NINL: variants seen among roughly 807,000 people sequenced by gnomAD.
NINL encodes the protein ninein-like protein.
In NINL, 153 loss-of-function variants were observed where a neutral mutation model predicts 160.3. The observed-to-expected ratio is 0.95, with a 90% CI of 0.84 to 1.09. NINL has a LOEUF of 1.09. Among genes scored for constraint, NINL ranks in the 50% least tolerant of loss-of-function variants. NINL has a pLI of 0.00. For missense variants in NINL, 1,829 were observed against 1,764.0 expected (o/e 1.04, Z -0.66); for synonymous variants, 800 against 734.8 (o/e 1.09, Z -1.43).
At chr20:25,473,530 A>AAATAC in intron 17 of NINL, among the ~76,000 whole-genome samples, 1 of 151,248 alleles carries the variant, frequency 6.6e-6, no homozygotes, top group East Asian at 1.9e-4. Context: ...AAATAAAATA[A>AAATAC]AACAAAGTGG....
At chr20:25,518,493 C>T (rs567630663) in intron 2 of NINL, among the ~76,000 whole-genome samples, 63 of 152,108 alleles carry the variant, frequency 4.1e-4, no homozygotes, top group Non-Finnish European at 6.5e-4. Context: ...CAAGAAACTA[C>T]CCCAGCTTTC....
chr20:25,497,031 T>A (rs1226510622), intron 9 of NINL, among the ~76,000 whole-genome samples: 3 of 152,114 alleles, frequency 2.0e-5, no homozygotes, highest in Non-Finnish European at 4.4e-5. Context: ...GCAAGGAAAG[T>A]TTCTAGGTGG....
chr20:25,496,355 C>G (rs77862813), intron 10 of NINL, among the ~76,000 whole-genome samples: 1 of 152,148 alleles, frequency 6.6e-6, no homozygotes, highest in Non-Finnish European at 1.5e-5. Context: ...ATCACAGGCA[C>G]GCAGCTAGGG....
chr20:25,484,721 C>G (rs777268245), intron 13 of NINL, among the ~76,000 whole-genome samples: 1 of 152,196 alleles, frequency 6.6e-6, no homozygotes, highest in Non-Finnish European at 1.5e-5. Flanking sequence ...TGTGGAGGGG[C>G]TGCTAAGCAG....
At chr20:25,511,309 A>G (rs548821740) in intron 4 of NINL, among the ~76,000 whole-genome samples, 100 of 152,142 alleles carry the variant, frequency 6.6e-4, no homozygotes, top group African/African-American at 2.4e-3. Context: ...ACCACCTCAC[A>G]CTCCAGCAGC....
At chr20:25,548,041 C>A (rs986809565) in intron 1 of NINL, among the ~76,000 whole-genome samples, 4 of 152,250 alleles carry the variant, frequency 2.6e-5, no homozygotes, top group Non-Finnish European at 4.4e-5. Flanking sequence ...GACAGCTATA[C>A]TCCTGGGATC....
intron 14 of NINL, among the ~76,000 whole-genome samples, chr20:25,480,936 C>T (rs2063375368): frequency 6.6e-6 from 1 of 152,108 alleles, no homozygotes; most frequent in South Asian, 2.1e-4. Context: ...TGGGGTCTTG[C>T]ACCTCCCTGC....
intron 19 of NINL, among the ~76,000 whole-genome samples, chr20:25,462,903 T>A (rs1041210320): frequency 6.6e-6 from 1 of 152,128 alleles, no homozygotes; most frequent in Non-Finnish European, 1.5e-5. Flanking sequence ...GATCTTCCCA[T>A]CTCAGCCTCC....
intron 22 of NINL, among the ~76,000 whole-genome samples, chr20:25,456,191 C>T (rs11087520): frequency 0.44 from 61,988 of 140,006 alleles, 14,019 homozygotes; most frequent in East Asian, 0.92. Context: ...TGCTGTGAGC[C>T]GAAATAGCAC....
At chr20:25,522,146 G>A (rs2064275097) in intron 2 of NINL, among the ~76,000 whole-genome samples, 1 of 152,180 alleles carries the variant, frequency 6.6e-6, no homozygotes, top group African/African-American at 2.4e-5. Flanking sequence ...GAGCTCAAGT[G>A]ATTCTCCTGC....
At chr20:25,468,563 C>T (rs1356685003) in intron 18 of NINL, among the ~76,000 whole-genome samples, 507 of 125,424 alleles carry the variant, frequency 4.0e-3, no homozygotes, top group African/African-American at 0.015. Flanking sequence ...TGGTGCGCAC[C>T]CCCCTGCCCT....
chr20:25,499,019 C>G (rs2063815100), intron 8 of NINL: 1 of 985,368 alleles, frequency 1.0e-6, no homozygotes, highest in African/African-American at 1.7e-5. Context: ...TTGGGTATTC[C>G]TGGCTCTGCT....
chr20:25,583,047 AATACT>A (rs1344337460), intron 1 of NINL, among the ~76,000 whole-genome samples: 1 of 152,236 alleles, frequency 6.6e-6, no homozygotes, highest in Non-Finnish European at 1.5e-5. Context: ...AAACCTAGGC[AATACT>A]ATTCAGGACA....
rs763227385 is a variant in NINL at position 25,476,612 on chromosome 20, G to A, written c.2679C>T (p.Pro893=). The part of the protein sequence containing the change: ...QDTEATQSPA[P]APAPASHGPS... ...GGCCGTGGGATGCCGGGGCAGGGGC[G>A]GGGGCCGGGCTCTGCGTAGCTTCTG... Residue 893 remains proline, a synonymous_variant, in exon 17 of 24, where the codon CCC becomes CCT. Coordinates refer to ENST00000278886, the MANE Select transcript of NINL (RefSeq NM_025176.6). The A allele has an allele frequency of 3.1e-6, 5 of 1,594,836 alleles. No individual in the cohort carries two copies. Among genetic ancestry groups the A allele is most frequent in the African/African-American group, 2.7e-5 (2 of 74,996 alleles).
chr20:25,547,461 GT>G (rs1186977413), intron 1 of NINL, among the ~76,000 whole-genome samples: 1 of 152,156 alleles, frequency 6.6e-6, no homozygotes, highest in Non-Finnish European at 1.5e-5. Flanking sequence ...AGATGCACAG[GT>G]CACAACGTGG....
At chr20:25,541,130 C>T (rs1350428689) in intron 1 of NINL, among the ~76,000 whole-genome samples, 1 of 152,176 alleles carries the variant, frequency 6.6e-6, no homozygotes, top group Non-Finnish European at 1.5e-5. Flanking sequence ...TAAAAAAAGA[C>T]ACCTCGGTAC....
rs540173153 is a variant in NINL, at chr20:25,464,425, C to T, written c.3424-1884G>A. Among the ~76,000 whole-genome samples, 7 of 151,986 alleles carry T rather than the reference C, an allele frequency of 4.6e-5. No individual in the cohort carries two copies. The East Asian group carries it at 1.4e-3, about 29-fold the overall frequency. On this transcript the variant is annotated intron_variant, in intron 19 of 23. Coordinates refer to ENST00000278886, the MANE Select transcript of NINL (RefSeq NM_025176.6). Reference sequence around the variant, plus strand: ...GAACAAGACTCCATCTCAAAACAAACAAACAAACAAACAAACAAACACACA... The same window carrying T: ...GAACAAGACTCCATCTCAAAACAAATAAACAAACAAACAAACAAACACACA...
At chr20:25,562,388 T>C (rs2064954404) in intron 1 of NINL, among the ~76,000 whole-genome samples, 1 of 110,952 alleles carries the variant, frequency 9.0e-6, no homozygotes, top group South Asian at 3.2e-4. Context: ...AGAAATCGGA[T>C]GGTTGCTGTG....
At chr20:25,533,377 C>T (rs2064501068) in intron 1 of NINL, among the ~76,000 whole-genome samples, 1 of 152,058 alleles carries the variant, frequency 6.6e-6, no homozygotes, top group Admixed American at 6.5e-5. Flanking sequence ...GACTGCTGGG[C>T]AAAAAGAACG....
Sources: gnomAD v4.1 joint callset for allele counts (sites outside exome capture counted in the v4.1 genomes callset) on GRCh38, gnomAD v4.1.1 for gene constraint, MANE v1.5 for transcripts, NCBI Gene and HGNC (gene_info 2026-07-23, HGNC 2026-07-21) for gene names.